ANKRD36: variants seen among roughly 807,000 people sequenced by gnomAD.
The protein encoded by ANKRD36 is ankyrin repeat domain-containing protein 36A.
ANKRD36 carries 179 observed loss-of-function variants against 278.1 expected under a neutral mutation model. The ratio of observed to expected loss-of-function variants is 0.64; its 90% CI spans 0.57 to 0.73. ANKRD36 has a LOEUF of 0.73. Ranked by LOEUF, ANKRD36 falls within the 30% of genes least tolerant of loss-of-function variation. The pLI, the probability that ANKRD36 is intolerant of heterozygous loss-of-function variation, is 0.00. For missense variants in ANKRD36, 1,159 were observed against 1,956.7 expected, an observed-to-expected ratio of 0.59 and a Z score of 7.69; for synonymous variants, 320 against 641.1, an observed-to-expected ratio of 0.50 and a Z score of 7.57.
chr2:97,124,022 A>G (rs1339700229), intron 4 of ANKRD36, among the ~76,000 whole-genome samples: 1 of 149,980 alleles, frequency 6.7e-6, no homozygotes, highest in Non-Finnish European at 1.5e-5. Flanking sequence ...TCATTAACTG[A>G]AGCTATGACT....
intron 67 of ANKRD36, among the ~76,000 whole-genome samples, chr2:97,226,017 G>A (rs1348426372): frequency 6.6e-6 from 1 of 151,830 alleles, no homozygotes; most frequent in Non-Finnish European, 1.5e-5. Flanking sequence ...TCTTAATCCA[G>A]ACTATCATTG....
intron 6 of ANKRD36, among the ~76,000 whole-genome samples, chr2:97,137,209 C>T (rs1224393734): frequency 6.6e-6 from 1 of 151,824 alleles, no homozygotes; most frequent in African/African-American, 2.4e-5. Flanking sequence ...TGGAATGGCA[C>T]AATCTTGGCT....
intron 66 of ANKRD36, among the ~76,000 whole-genome samples, chr2:97,224,598 C>T (rs1480418496): frequency 1.4e-4 from 22 of 152,110 alleles, no homozygotes; most frequent in East Asian, 1.4e-3. Context: ...TACAGGCGCC[C>T]GCCACCACGC....
chr2:97,213,944 G>A (rs1358429212), intron 60 of ANKRD36, among the ~76,000 whole-genome samples: 1 of 151,662 alleles, frequency 6.6e-6, no homozygotes, highest in Non-Finnish European at 1.5e-5. Flanking sequence ...AAGACATGAA[G>A]TATATATTTT....
rs1277065463 is a variant in ANKRD36, at chr2:97,196,752, GCC to G, written c.2618_2619del (p.Ala873GlufsTer10). 1 of 1,553,958 alleles carries G rather than the reference GCC, an allele frequency of 6.4e-7. No individual in the cohort carries two copies. Among genetic ancestry groups the G allele is most frequent in the Non-Finnish European group, 8.7e-7 (1 of 1,151,434 alleles). On this transcript the variant is annotated frameshift_variant, in exon 42 of 76. Transcript: ENST00000420699. LOFTEE classifies it high-confidence loss of function. ...SDEEDSVLGI[A>X]RENKDGEKSR... Reference sequence around the variant, plus strand: ...CGAGGAAGATTCTGTTTTGGGTATAGCCAGAGAAAACAAGGATGGAGAAAAAT... The same window carrying G: ...CGAGGAAGATTCTGTTTTGGGTATAGAGAGAAAACAAGGATGGAGAAAAAT...
chr2:97,208,864 T>G (rs1304646461), intron 54 of ANKRD36, among the ~76,000 whole-genome samples: 2 of 146,880 alleles, frequency 1.4e-5, no homozygotes, highest in Non-Finnish European at 3.0e-5. Flanking sequence ...TGAATTCTAA[T>G]TAACTCCTAA....
intron 75 of ANKRD36, among the ~76,000 whole-genome samples, chr2:97,260,329 A>T (rs1357263971): frequency 8.2e-6 from 1 of 122,226 alleles, no homozygotes; most frequent in African/African-American, 3.0e-5. Flanking sequence ...ATTGTCAATG[A>T]GCAGTAATAT....
At chr2:97,124,731 T>C in intron 5 of ANKRD36, 134 bp downstream of exon 5, 2 of 1,138,962 alleles carry the variant, frequency 1.8e-6, no homozygotes, top group South Asian at 3.5e-5. Flanking sequence ...TTTCAAGTTT[T>C]TAAGTTTTCG....
At position 97,193,045 on chromosome 2, in the gene ANKRD36, C is replaced by A; in HGVS notation, c.2441C>A (p.Ser814Tyr). 2 of 1,554,652 alleles carry A rather than the reference C, an allele frequency of 1.3e-6. No homozygotes were observed. Among genetic ancestry groups the A allele is most frequent in the African/African-American group, 1.4e-5 (1 of 73,130 alleles). The change falls in exon 38 of 76, where the codon TCT (serine) becomes TAT (tyrosine). Residue 814 changes from serine to tyrosine, a missense_variant. Coordinates refer to ENST00000420699, the MANE Select transcript of ANKRD36 (RefSeq NM_001354587.1). ...AGAGAAAACAAGGATGGAGAAAAATCTAGGACAGGTAATTTTGAAAAGAGA... is the reference window on the plus strand; with the variant it reads ...AGAGAAAACAAGGATGGAGAAAAATATAGGACAGGTAATTTTGAAAAGAGA... ...IARENKDGEK[S>Y]RTVSSRKKPA...
Position 97,191,216 on chromosome 2 carries a change from G to A in ANKRD36, c.2347+35G>A, listed in dbSNP as rs1234289202. The A allele has an allele frequency of 7.2e-6, 11 of 1,534,622 alleles. 1 individual carries two copies. In the Admixed American group the frequency reaches 1.2e-4, roughly 17 times the overall value. ...CAAAAGACATTTAATGTCATATTCA[G>A]TCCAGATAGATAAGAATTTCTCTTT... On this transcript the variant is annotated intron_variant, in intron 36 of 75. Transcript: ENST00000420699.
At chr2:97,191,513 A>C (rs2058510546) in intron 36 of ANKRD36, among the ~76,000 whole-genome samples, 2 of 151,734 alleles carry the variant, frequency 1.3e-5, no homozygotes, top group African/African-American at 2.4e-5. Flanking sequence ...GAGGAAGTAT[A>C]GATTTTACAA....
At position 97,178,519 on chromosome 2, in the gene ANKRD36, T is replaced by G. The variant is rs1481605281; in HGVS notation, c.1634-1219T>G. On this transcript the variant is annotated intron_variant, in intron 22 of 75. Coordinates refer to ENST00000420699, the MANE Select transcript of ANKRD36 (RefSeq NM_001354587.1). Reference sequence around the variant, plus strand: ...AGCCATAAAAAATGATGAGTTCATGTCCTTTGAAGGGACATGGATGAAATT... The same window carrying G: ...AGCCATAAAAAATGATGAGTTCATGGCCTTTGAAGGGACATGGATGAAATT... Among the ~76,000 whole-genome samples the G allele has an allele frequency of 9.9e-5, 15 of 151,776 alleles. 1 individual carries two copies. The highest frequency in any genetic ancestry group is 3.4e-4 in the African/African-American group (14 of 41,398).
At chr2:97,162,003 T>A (rs1276705491) in intron 17 of ANKRD36, 96 bp from the exon 18 acceptor site, 1 of 1,228,792 alleles carries the variant, frequency 8.1e-7, no homozygotes, top group African/African-American at 1.6e-5. Context: ...GTATAGACCT[T>A]ATGAATTTAT....
chr2:97,137,630 G>A (rs1177978815), intron 6 of ANKRD36, among the ~76,000 whole-genome samples: 1 of 151,912 alleles, frequency 6.6e-6, no homozygotes, highest in Non-Finnish European at 1.5e-5. Context: ...CCAGTAATGG[G>A]ATTACTGGCT....
At chr2:97,231,551 A>G (rs2072102391) in intron 67 of ANKRD36, among the ~76,000 whole-genome samples, 1 of 152,096 alleles carries the variant, frequency 6.6e-6, no homozygotes, top group African/African-American at 2.4e-5. Context: ...CCTTTCTTTG[A>G]CTAGGAAAGG....
At position 97,134,439 on chromosome 2, in the gene ANKRD36, C is replaced by G. The variant is rs1010057731; in HGVS notation, c.799+7305C>G. 3.3e-5 allele frequency among the ~76,000 whole-genome samples: 5 copies of G among 151,896 alleles called. No individual in the cohort carries two copies. The East Asian group carries it at 5.8e-4, about 18-fold the overall frequency. On this transcript the variant is annotated intron_variant, in intron 6 of 75. Coordinates refer to ENST00000420699, the MANE Select transcript of ANKRD36 (RefSeq NM_001354587.1). ...GCAGTGGAAAGGGACAATCTCAAGA[C>G]GTTGTACTTTATAAAACGAGTCAGA... is the stretch of plus-strand genomic sequence containing the variant.
chr2:97,197,516 T>G (rs2060110145), intron 42 of ANKRD36, among the ~76,000 whole-genome samples: 1 of 151,908 alleles, frequency 6.6e-6, no homozygotes, highest in African/African-American at 2.4e-5. Flanking sequence ...AGCTTAAATC[T>G]GAATACATTA....
At chr2:97,118,727 G>A in intron 3 of ANKRD36, 2 of 298,206 alleles carry the variant, frequency 6.7e-6, no homozygotes, top group East Asian at 8.8e-5. Context: ...TGCACTTATG[G>A]TAAATAACTA....
rs979849177 is a variant in ANKRD36 at position 97,193,080 on chromosome 2, A to G, written c.2449+27A>G. 1.2e-5 allele frequency: 18 copies of G among 1,513,938 alleles called. No individual in the cohort carries two copies. In the African/African-American group the frequency reaches 2.4e-4, roughly 20 times the overall value. 93.8% of individuals were successfully genotyped at this position (1,513,938 alleles called of 1,614,324 possible). A position where few individuals can be genotyped will look rare whatever the true frequency, so the allele number is the denominator to read the frequency against. On this transcript the variant is annotated intron_variant, in intron 38 of 75. Transcript: ENST00000420699. Reference sequence around the variant, plus strand: ...TAATTTTGAAAAGAGATTTAATGTCATGTTCAGTGCAGATAGATAAGAAGT... The same window carrying G: ...TAATTTTGAAAAGAGATTTAATGTCGTGTTCAGTGCAGATAGATAAGAAGT...
Sources: allele counts gnomAD v4.1 joint callset (sites outside exome capture counted in the v4.1 genomes callset), GRCh38; gene constraint gnomAD v4.1.1; transcripts MANE v1.5; gene names NCBI Gene and HGNC (gene_info 2026-07-23, HGNC 2026-07-21).